CMSS1: variants seen among roughly 807,000 people sequenced by gnomAD.
CMSS1 encodes the protein cms1 ribosomal small subunit homolog.
Under a neutral mutation model 43.5 loss-of-function variants are expected in CMSS1, and 33 were observed. That is an observed-to-expected ratio of 0.76 (90% CI 0.57 to 1.01). The LOEUF is 1.01. Among genes scored for constraint, CMSS1 ranks in the 50% least tolerant of loss-of-function variants. The pLI, the probability that CMSS1 is intolerant of heterozygous loss-of-function variation, is 0.00. For missense variants in CMSS1, 313 were observed against 326.4 expected (o/e 0.96, Z 0.32); for synonymous variants, 115 against 117.2 (o/e 0.98, Z 0.12).
chr3:100,158,186 T>C (rs555139706), intron 2 of CMSS1, among the ~76,000 whole-genome samples: 2 of 152,224 alleles, frequency 1.3e-5, no homozygotes, highest in Admixed American at 6.5e-5. Context: ...CCATTTGCCA[T>C]GTGTAACCAG....
chr3:100,051,199 T>G (rs2065365917), intron 1 of CMSS1: 1 of 152,134 alleles, frequency 6.6e-6, no homozygotes, highest in Admixed American at 6.5e-5. Flanking sequence ...GAGTCCAGCT[T>G]CTTATTTTTT....
intron 1 of CMSS1, chr3:99,898,634 C>T (rs995455437): frequency 4.2e-5 from 8 of 189,338 alleles, no homozygotes; most frequent in Admixed American, 1.1e-4. Context: ...GGCATGATGG[C>T]GGGTGCCTGT....
chr3:99,822,867 A>G (rs1461265046), intron 1 of CMSS1, among the ~76,000 whole-genome samples: 1 of 152,214 alleles, frequency 6.6e-6, no homozygotes, highest in Non-Finnish European at 1.5e-5. Flanking sequence ...CACCAGCGGT[A>G]GTTACTGTTG....
chr3:100,081,788 G>A (rs2065935944), intron 1 of CMSS1, among the ~76,000 whole-genome samples: 1 of 152,028 alleles, frequency 6.6e-6, no homozygotes, highest in Non-Finnish European at 1.5e-5. Context: ...TTAGAGCCAG[G>A]TTTCTCCTTC....
At position 99,817,945 on chromosome 3, in the gene CMSS1, C is replaced by T. The variant is rs1942353742; in HGVS notation, c.-35C>T. The T allele has an allele frequency of 6.2e-7, 1 of 1,610,110 alleles. No individual in the cohort carries two copies. Among genetic ancestry groups the T allele is most frequent in the Non-Finnish European group, 8.5e-7 (1 of 1,176,666 alleles). The stretch of plus-strand genomic sequence containing the variant: ...GATTCTCCGCAGCTGGTCGCCTACC[C>T]GTGATGTTCTGCCCACGTCGAGACC... On this transcript the variant is annotated 5_prime_UTR_variant, in exon 1 of 10. Coordinates refer to ENST00000421999, the MANE Select transcript of CMSS1 (RefSeq NM_032359.4).
intron 1 of CMSS1, among the ~76,000 whole-genome samples, chr3:100,067,783 C>T (rs2065691831): frequency 6.6e-6 from 1 of 151,966 alleles, no homozygotes; most frequent in African/African-American, 2.4e-5. Flanking sequence ...GGTCTCTATC[C>T]AAGCCTTGAG....
chr3:99,925,710 C>T (rs778643459), intron 1 of CMSS1: 88 of 220,574 alleles, frequency 4.0e-4, no homozygotes, highest in Non-Finnish European at 6.5e-4. Context: ...AGTGAGAGCA[C>T]CAAGGACATG....
intron 1 of CMSS1, among the ~76,000 whole-genome samples, chr3:99,996,098 T>C (rs770720584): frequency 1.4e-4 from 22 of 152,208 alleles, no homozygotes; most frequent in Non-Finnish European, 2.6e-4. Context: ...TTTTCCAAAA[T>C]TTTATGCTCT....
intron 1 of CMSS1, among the ~76,000 whole-genome samples, chr3:99,985,818 A>G (rs926444309): frequency 1.3e-5 from 2 of 151,928 alleles, no homozygotes; most frequent in Non-Finnish European, 2.9e-5. Flanking sequence ...CGAACTCCTG[A>G]CCTCAGGTGA....
intron 1 of CMSS1, among the ~76,000 whole-genome samples, chr3:99,882,308 A>G (rs770787897): frequency 6.6e-6 from 1 of 152,162 alleles, no homozygotes; most frequent in Non-Finnish European, 1.5e-5. Context: ...GTGGCTTCTA[A>G]TTGTAAAATC....
intron 1 of CMSS1, among the ~76,000 whole-genome samples, chr3:100,117,475 C>T (rs1485201558): frequency 6.6e-6 from 1 of 152,010 alleles, no homozygotes; most frequent in East Asian, 1.9e-4. Context: ...AATTATTCAT[C>T]ATGGTGGCAT....
At chr3:100,026,846 A>G (rs2064931186) in intron 1 of CMSS1, among the ~76,000 whole-genome samples, 1 of 152,086 alleles carries the variant, frequency 6.6e-6, no homozygotes, top group Admixed American at 6.6e-5. Context: ...AAGTCAGATC[A>G]CATCGCCCCA....
chr3:100,090,904 A>G (rs2066092078), intron 1 of CMSS1, among the ~76,000 whole-genome samples: 1 of 152,210 alleles, frequency 6.6e-6, no homozygotes, highest in Non-Finnish European at 1.5e-5. Context: ...AGAAAACTTG[A>G]AATGAGTGCA....
chr3:99,838,921 T>C (rs1943011169), intron 1 of CMSS1, among the ~76,000 whole-genome samples: 2 of 152,318 alleles, frequency 1.3e-5, no homozygotes, highest in South Asian at 4.1e-4. Context: ...GCTGTATTCA[T>C]GGTTCTTCAC....
Position 99,818,932 on chromosome 3 carries a change from G to A in CMSS1, c.64+889G>A, listed in dbSNP as rs115439380. Among the ~76,000 whole-genome samples, 822 of 152,192 alleles carry A rather than the reference G, an allele frequency of 5.4e-3. 13 individuals are homozygous for A. The highest frequency in any genetic ancestry group is 0.019 in the African/African-American group (778 of 41,514). ...CCATCACACCTACCATGCAATTATT[G>A]GTTGGTTGGTTTTTATCACTCCTCA... On this transcript the variant is annotated intron_variant, in intron 1 of 9. Transcript: ENST00000421999.
intron 1 of CMSS1, among the ~76,000 whole-genome samples, chr3:99,828,007 C>G (rs565329438): frequency 1.3e-5 from 2 of 152,324 alleles, no homozygotes; most frequent in Admixed American, 6.5e-5. Flanking sequence ...AGGAAGTCTC[C>G]TGACATGGGA....
At chr3:99,819,655 C>A (rs1038070038) in intron 1 of CMSS1, among the ~76,000 whole-genome samples, 1 of 152,040 alleles carries the variant, frequency 6.6e-6, no homozygotes, top group African/African-American at 2.4e-5. Context: ...ACGCTTTTCC[C>A]GCTACTACTT....
chr3:99,839,106 C>T (rs990501610), intron 1 of CMSS1, among the ~76,000 whole-genome samples: 5 of 152,126 alleles, frequency 3.3e-5, no homozygotes, highest in Admixed American at 2.0e-4. Flanking sequence ...ATATCCTAGT[C>T]TTCCCCATCC....
At chr3:100,055,565 A>G (rs1333688066) in intron 1 of CMSS1, among the ~76,000 whole-genome samples, 1 of 152,262 alleles carries the variant, frequency 6.6e-6, no homozygotes, top group Non-Finnish European at 1.5e-5. Flanking sequence ...TGTGGAAAAT[A>G]TACAAAGATG....
Sources: allele counts gnomAD v4.1 joint callset (sites outside exome capture counted in the v4.1 genomes callset), GRCh38; gene constraint gnomAD v4.1.1; transcripts MANE v1.5; gene names NCBI Gene and HGNC (gene_info 2026-07-23, HGNC 2026-07-21).